IQSEC3: variants seen among roughly 807,000 people sequenced by gnomAD.
The protein encoded by IQSEC3 is IQ motif and Sec7 domain ArfGEF 3.
A neutral mutation model predicts 105.4 loss-of-function variants in IQSEC3; 50 were observed. The ratio of observed to expected loss-of-function variants is 0.47; its 90% CI spans 0.38 to 0.60. IQSEC3 has a LOEUF of 0.60. IQSEC3 is among the 20% of genes least tolerant of loss of function. The pLI is 0.00. For missense variants in IQSEC3, 1,415 were observed against 1,630.0 expected (o/e 0.87, Z 2.27); for synonymous variants, 708 against 746.0 (o/e 0.95, Z 0.83).
chr12:115,830 G>T (rs1865030308), intron 2 of IQSEC3, among the ~76,000 whole-genome samples: 1 of 151,958 alleles, frequency 6.6e-6, no homozygotes, highest in Admixed American at 6.6e-5. Flanking sequence ...TTACCCTCTG[G>T]TAAGCTCCTC....
chr12:142,177 G>A (rs1866057962), intron 5 of IQSEC3: 1 of 152,244 alleles, frequency 6.6e-6, no homozygotes, highest in African/African-American at 2.4e-5. Flanking sequence ...TGTCTCCCCG[G>A]AGGCCCTGGG....
At chr12:114,673 G>A (rs1198201968) in intron 2 of IQSEC3, among the ~76,000 whole-genome samples, 1 of 152,238 alleles carries the variant, frequency 6.6e-6, no homozygotes, top group East Asian at 1.9e-4. Flanking sequence ...GGCTGCCACA[G>A]TGAAGACTGG....
chr12:151,755 T>G (rs1866519057), intron 5 of IQSEC3, among the ~76,000 whole-genome samples: 1 of 152,150 alleles, frequency 6.6e-6, no homozygotes, highest in African/African-American at 2.4e-5. Flanking sequence ...CTGTCTGCAC[T>G]GCAACCTTGC....
At chr12:149,537 TCTCA>T (rs374373905) in intron 5 of IQSEC3, among the ~76,000 whole-genome samples, 84 of 152,266 alleles carry the variant, frequency 5.5e-4, no homozygotes, top group African/African-American at 1.9e-3. Flanking sequence ...CCTGGTCATC[TCTCA>T]CTCACTCATT....
chr12:99,396 G>A (rs1864348009), intron 2 of IQSEC3, among the ~76,000 whole-genome samples, 182 bp downstream of exon 2: 1 of 152,166 alleles, frequency 6.6e-6, no homozygotes, highest in African/African-American at 2.4e-5. Flanking sequence ...CCCCAAATGA[G>A]CCGTTCCCAA....
At chr12:103,243 C>T (rs1236802697) in intron 2 of IQSEC3, among the ~76,000 whole-genome samples, 1 of 151,090 alleles carries the variant, frequency 6.6e-6, no homozygotes, top group Non-Finnish European at 1.5e-5. Flanking sequence ...CAGCATAGAG[C>T]CCATTTGTCT....
chr12:117,892 G>A (rs1555081018), intron 2 of IQSEC3, among the ~76,000 whole-genome samples: 1 of 152,238 alleles, frequency 6.6e-6, no homozygotes, highest in Non-Finnish European at 1.5e-5. Context: ...AGGGGCCATG[G>A]CAGGGGAGGC....
At chr12:163,665 T>A (rs1555097235) in intron 9 of IQSEC3, 46 bp downstream of exon 9, 1 of 1,110,974 alleles carries the variant, frequency 9.0e-7, no homozygotes, top group East Asian at 2.4e-5. Context: ...GGGCTGCCTC[T>A]GCCGCCCTGG....
intron 2 of IQSEC3, 77 bp downstream of exon 2, chr12:99,291 A>C (rs1864344940): frequency 1.5e-6 from 2 of 1,319,720 alleles, no homozygotes; most frequent in Middle Eastern, 1.8e-4. Context: ...CCACTGCACT[A>C]GCTATTGGGC....
chr12:90,507 G>A (rs1864049670), intron 1 of IQSEC3, among the ~76,000 whole-genome samples: 1 of 151,996 alleles, frequency 6.6e-6, no homozygotes, highest in Non-Finnish European at 1.5e-5. Flanking sequence ...TTTATGTATG[G>A]CATAAGGCAT....
chr12:97,248 T>C (rs1565392500), intron 1 of IQSEC3, among the ~76,000 whole-genome samples: 1 of 152,240 alleles, frequency 6.6e-6, no homozygotes, highest in Non-Finnish European at 1.5e-5. Context: ...GTGCAGAGTA[T>C]TAACTTGCCT....
At chr12:95,588 C>T (rs1268017531) in intron 1 of IQSEC3, among the ~76,000 whole-genome samples, 1 of 152,134 alleles carries the variant, frequency 6.6e-6, no homozygotes, top group African/African-American at 2.4e-5. Flanking sequence ...CATGTTTTTT[C>T]CCTGCTCTCA....
rs991445838 is a variant in IQSEC3, at chr12:174,698, C to A, written c.3214C>A (p.Pro1072Thr). ...VPPPDLQPSP[P>T]RQQTPPLPPP... ...GCCGCCAGACCTGCAGCCTAGCCCCCCGAGACAGCAGACCCCACCACTGCC... is the reference window on the plus strand; with the variant it reads ...GCCGCCAGACCTGCAGCCTAGCCCCACGAGACAGCAGACCCCACCACTGCC... Residue 1072 changes from proline to threonine, a missense_variant, in exon 14 of 14, where the codon CCG (proline) becomes ACG (threonine). Physicochemically the swap from Pro to Thr is conservative, Grantham distance 38 (BLOSUM62 -1). This residue lies in a region of IQSEC3 where 419 missense variants were observed against 436.2 expected (regional missense o/e 0.96). Transcript: ENST00000538872. 2.5e-6 allele frequency: 4 copies of A among 1,593,524 alleles called. No individual in the cohort carries two copies. The highest frequency in any genetic ancestry group is 2.5e-6 in the Non-Finnish European group (3 of 1,177,964).
In IQSEC3 at chr12:98,417, C is replaced by T. The variant is rs542310569; in HGVS notation, c.555-729C>T. On this transcript the variant is annotated intron_variant, in intron 1 of 13. Transcript: ENST00000538872. Reference sequence around the variant, plus strand: ...GGAAGGGAAGGGTCTAGGCATGAGTCGTTTTAAAAATTTCCTCATGATTCT... The same window carrying T: ...GGAAGGGAAGGGTCTAGGCATGAGTTGTTTTAAAAATTTCCTCATGATTCT... 2.8e-3 allele frequency among the ~76,000 whole-genome samples: 424 copies of T among 152,244 alleles called. 3 individuals are homozygous for T. The highest frequency in any genetic ancestry group is 9.5e-3 in the African/African-American group (393 of 41,520).
intron 5 of IQSEC3, among the ~76,000 whole-genome samples, chr12:147,380 C>T: frequency 6.6e-6 from 1 of 152,200 alleles, no homozygotes; most frequent in South Asian, 2.1e-4. Flanking sequence ...TTCACAGCGA[C>T]TCCGGGAGGG....
At chr12:142,211 C>G (rs781855297) in intron 5 of IQSEC3, 1 of 152,274 alleles carries the variant, frequency 6.6e-6, no homozygotes, top group Non-Finnish European at 1.5e-5. Context: ...TTCATCCTCG[C>G]TCCTGGAGCA....
intron 1 of IQSEC3, among the ~76,000 whole-genome samples, chr12:79,260 G>C (rs1249537716): frequency 6.6e-6 from 1 of 152,072 alleles, no homozygotes; most frequent in African/African-American, 2.4e-5. Context: ...TGGTGGCTAG[G>C]GACCCACTGG....
chr12:169,149 A>G (rs967181648), intron 12 of IQSEC3, 44 bp downstream of exon 12: 6 of 1,532,552 alleles, frequency 3.9e-6, no homozygotes, highest in South Asian at 1.1e-5. Context: ...CATGGAGGCC[A>G]CTCGGGGACC....
intron 3 of IQSEC3, among the ~76,000 whole-genome samples, chr12:126,715 C>T (rs1486058870): frequency 7.9e-5 from 12 of 152,204 alleles, no homozygotes; most frequent in African/African-American, 4.8e-5. Context: ...TCTGGGCATT[C>T]GTTTCCTCAT....
Sources: gnomAD v4.1 joint callset for allele counts (sites outside exome capture counted in the v4.1 genomes callset) on GRCh38, gnomAD v4.1.1 for gene constraint, gnomAD v4.1.1 regional missense constraint, MANE v1.5 for transcripts, NCBI Gene and HGNC (gene_info 2026-07-23, HGNC 2026-07-21) for gene names.